LPIN1: variants seen among roughly 807,000 people sequenced by gnomAD.
LPIN1 encodes the protein phosphatidate phosphatase LPIN1.
Under a neutral mutation model 107.5 loss-of-function variants are expected in LPIN1, and 71 were observed. The observed-to-expected ratio is 0.66, with a 90% CI of 0.55 to 0.80. LPIN1 has a LOEUF of 0.80. Among genes scored for constraint, LPIN1 ranks in the 30% least tolerant of loss-of-function variants. The pLI is 0.00. For synonymous variants in LPIN1, 445 were observed against 452.6 expected (o/e 0.98, Z 0.21); for missense variants, 1,043 against 1,160.6 (o/e 0.90, Z 1.47).
chr2:11,693,476 C>A (rs1293240259), intron 1 of LPIN1, among the ~76,000 whole-genome samples: 1 of 152,058 alleles, frequency 6.6e-6, no homozygotes, highest in African/African-American at 2.4e-5. Context: ...CTTGGACCTG[C>A]TGAATCAGAA....
intron 1 of LPIN1, among the ~76,000 whole-genome samples, chr2:11,726,007 G>A (rs1344053832): frequency 6.6e-6 from 1 of 152,164 alleles, no homozygotes; most frequent in Non-Finnish European, 1.5e-5. Flanking sequence ...GTGGTGACTG[G>A]CAGCGTTATT....
chr2:11,750,287 A>G (rs1313926840), intron 1 of LPIN1, among the ~76,000 whole-genome samples: 1 of 152,144 alleles, frequency 6.6e-6, no homozygotes, highest in African/African-American at 2.4e-5. Context: ...CGCCCAGACA[A>G]CTGTTCTGGC....
At chr2:11,686,879 CAG>C (rs1039804597) in intron 1 of LPIN1, among the ~76,000 whole-genome samples, 3 of 151,666 alleles carry the variant, frequency 2.0e-5, no homozygotes, top group African/African-American at 7.3e-5. Context: ...CTGCTGGGGG[CAG>C]AGTTTTGTTT....
At chr2:11,727,142 G>A (rs182683695) in intron 1 of LPIN1, among the ~76,000 whole-genome samples, 1 of 152,140 alleles carries the variant, frequency 6.6e-6, no homozygotes, top group South Asian at 2.1e-4. Flanking sequence ...TCGTCCATTC[G>A]CCTTAGCTTC....
At chr2:11,809,212 C>A (rs1357754212) in intron 17 of LPIN1, among the ~76,000 whole-genome samples, 1 of 151,966 alleles carries the variant, frequency 6.6e-6, no homozygotes, top group East Asian at 1.9e-4. Flanking sequence ...CCTTTGAGGC[C>A]TAAATTTGGG....
intron 1 of LPIN1, among the ~76,000 whole-genome samples, chr2:11,764,952 A>C (rs895989622): frequency 3.9e-5 from 6 of 152,196 alleles, no homozygotes; most frequent in Non-Finnish European, 5.9e-5. Flanking sequence ...CATGGGGTCA[A>C]GGCTCTCTGT....
intron 1 of LPIN1, among the ~76,000 whole-genome samples, chr2:11,686,621 C>G (rs77568889): frequency 0.016 from 2,464 of 152,122 alleles, 32 homozygotes; most frequent in Non-Finnish European, 0.023. Flanking sequence ...CTGGGCACCA[C>G]GGGCAGAGCA....
At chr2:11,715,446 T>G (rs773175465) in intron 2 of LPIN1, among the ~76,000 whole-genome samples, 3 of 152,084 alleles carry the variant, frequency 2.0e-5, no homozygotes, top group Non-Finnish European at 4.4e-5. Flanking sequence ...CCATCCATGG[T>G]AGGGGTGTTG....
intron 1 of LPIN1, among the ~76,000 whole-genome samples, chr2:11,740,517 T>TAA (rs879380145): frequency 2.0e-5 from 3 of 149,704 alleles, no homozygotes; most frequent in Non-Finnish European, 4.5e-5. Context: ...CCTGTCTCTA[T>TAA]AAAAAAAAAT....
chr2:11,740,129 A>G (rs1246762749), intron 1 of LPIN1, among the ~76,000 whole-genome samples: 1 of 152,132 alleles, frequency 6.6e-6, no homozygotes, highest in African/African-American at 2.4e-5. Context: ...GAGACCCTGG[A>G]GTGCTGATGT....
intron 14 of LPIN1, among the ~76,000 whole-genome samples, chr2:11,800,230 G>A (rs1269919059): frequency 1.3e-5 from 2 of 152,052 alleles, no homozygotes; most frequent in African/African-American, 2.4e-5. Flanking sequence ...AAAGCCCACC[G>A]ACCTCCCTTT....
chr2:11,724,271 T>TA, upstream of LPIN1: 1 of 873,142 alleles, frequency 1.1e-6, no homozygotes, highest in Non-Finnish European at 1.4e-6. Context: ...GCTGATGTCA[T>TA]AGTCCCCGTG....
intron 1 of LPIN1, among the ~76,000 whole-genome samples, chr2:11,752,485 G>A (rs1398822072): frequency 7.9e-6 from 1 of 126,786 alleles, no homozygotes; most frequent in African/African-American, 3.5e-5. Context: ...AGGCTGGAGT[G>A]CAGTGGCGGG....
chr2:11,695,984 C>A (rs1307914758), intron 1 of LPIN1, among the ~76,000 whole-genome samples: 3 of 151,836 alleles, frequency 2.0e-5, no homozygotes, highest in Admixed American at 2.0e-4. Flanking sequence ...AGGCCCTTTC[C>A]CACTGCTGTG....
In LPIN1 at chr2:11,803,644, G is replaced by T. The variant is rs1188767972; in HGVS notation, c.2013+611G>T. On this transcript the variant is annotated intron_variant, in intron 15 of 20. Coordinates refer to ENST00000674199, the MANE Select transcript of LPIN1 (RefSeq NM_001349206.2). The surrounding 1 kb of genome is among the most constrained non-coding windows in gnomAD (Gnocchi z 4.2). ...GGGAGCCTGGCTCAAGTGTGAGGGTGTTTACTAGGAAAAGATAAGGAAGAG... is the reference window on the plus strand; with the variant it reads ...GGGAGCCTGGCTCAAGTGTGAGGGTTTTTACTAGGAAAAGATAAGGAAGAG... 2.0e-5 allele frequency among the ~76,000 whole-genome samples: 3 copies of T among 152,168 alleles called. No individual in the cohort carries two copies. Among genetic ancestry groups the T allele is most frequent in the African/African-American group, 7.2e-5 (3 of 41,434 alleles).
At chr2:11,752,236 C>T (rs891492319) in intron 1 of LPIN1, among the ~76,000 whole-genome samples, 2 of 152,050 alleles carry the variant, frequency 1.3e-5, no homozygotes, top group African/African-American at 4.8e-5. Context: ...TAGTGAGTGA[C>T]GATGTCTGAT....
chr2:11,742,746 T>C (rs1666501099), upstream of LPIN1, among the ~76,000 whole-genome samples: 1 of 152,340 alleles, frequency 6.6e-6, no homozygotes, highest in Non-Finnish European at 1.5e-5. Context: ...TTATGAATTG[T>C]TCCCAATCTG....
At chr2:11,802,839 G>T (rs1558267603) in intron 14 of LPIN1, 68 bp from the exon 15 acceptor site, 1 of 1,575,416 alleles carries the variant, frequency 6.3e-7, no homozygotes, top group Non-Finnish European at 8.7e-7. Flanking sequence ...TTGATTAAAG[G>T]CTAATGCATT....
exon 1 of LPIN1, chr2:11,724,472 CA>C (rs1664398531): frequency 1.0e-6 from 1 of 985,856 alleles, no homozygotes; most frequent in African/African-American, 1.7e-5. Context: ...AGCAGCCACC[CA>C]GCAGTGGCCC....
Sources: allele counts gnomAD v4.1 joint callset (sites outside exome capture counted in the v4.1 genomes callset), GRCh38; gene constraint gnomAD v4.1.1; non-coding constraint Gnocchi (gnomAD v3.1); transcripts MANE v1.5; gene names NCBI Gene and HGNC (gene_info 2026-07-23, HGNC 2026-07-21).